KLHL32: variants seen among roughly 807,000 people sequenced by gnomAD.
The protein encoded by KLHL32 is kelch like family member 32.
Under a neutral mutation model 64.8 loss-of-function variants are expected in KLHL32, and 35 were observed. The observed-to-expected ratio is 0.54, with a 90% CI of 0.41 to 0.72. The LOEUF (loss-of-function observed/expected upper bound fraction) is 0.72, where lower values mean the gene tolerates loss of function less well. Among genes scored for constraint, KLHL32 ranks in the 30% least tolerant of loss-of-function variants. The pLI is 0.00. For missense variants in KLHL32, 589 were observed against 768.5 expected (o/e 0.77, Z 2.76); for synonymous variants, 259 against 281.0 (o/e 0.92, Z 0.78).
intron 3 of KLHL32, among the ~76,000 whole-genome samples, chr6:97,016,969 G>GT (rs1781295759): frequency 6.6e-6 from 1 of 152,120 alleles, no homozygotes; most frequent in South Asian, 2.1e-4. Flanking sequence ...CACCATTATT[G>GT]TAAGTTTCCT....
chr6:96,979,768 G>A (rs527334388), intron 3 of KLHL32, among the ~76,000 whole-genome samples: 4 of 152,220 alleles, frequency 2.6e-5, no homozygotes, highest in South Asian at 2.1e-4. Flanking sequence ...CCATTTTCAC[G>A]ACATTGATTC....
At chr6:97,035,801 C>T (rs1405276483) in intron 3 of KLHL32, among the ~76,000 whole-genome samples, 1 of 152,034 alleles carries the variant, frequency 6.6e-6, no homozygotes, top group African/African-American at 2.4e-5. Context: ...ATAATGTATC[C>T]TGGTGCAGAT....
chr6:96,999,625 G>A (rs1778799460), intron 3 of KLHL32: 1 of 505,288 alleles, frequency 2.0e-6, no homozygotes, highest in African/African-American at 2.1e-5. Context: ...TCTCTGTGAA[G>A]CTATAATTTG....
chr6:97,115,508 CA>C (rs1469574562), intron 7 of KLHL32, among the ~76,000 whole-genome samples: 2 of 152,132 alleles, frequency 1.3e-5, no homozygotes, highest in African/African-American at 4.8e-5. Context: ...CCCATGTACC[CA>C]CAACCCAAAA....
intron 3 of KLHL32, among the ~76,000 whole-genome samples, chr6:97,013,375 T>G (rs1237146188): frequency 6.6e-6 from 1 of 152,236 alleles, no homozygotes; most frequent in Non-Finnish European, 1.5e-5. Context: ...TTCGTTGTTG[T>G]AAAATGGAGA....
chr6:97,054,824 G>A (rs552367981), intron 4 of KLHL32, among the ~76,000 whole-genome samples: 10 of 152,188 alleles, frequency 6.6e-5, no homozygotes, highest in South Asian at 2.1e-4. Context: ...CTGTACTCCC[G>A]GCTATTCGGG....
At chr6:97,036,890 A>G (rs1193045189) in intron 3 of KLHL32, among the ~76,000 whole-genome samples, 1 of 152,214 alleles carries the variant, frequency 6.6e-6, no homozygotes, top group Admixed American at 6.5e-5. Flanking sequence ...TTAGCAGCAA[A>G]GACTGTAGGA....
At chr6:96,949,903 A>G (rs1024689161) in intron 1 of KLHL32, among the ~76,000 whole-genome samples, 18 of 152,026 alleles carry the variant, frequency 1.2e-4, no homozygotes, top group African/African-American at 4.3e-4. Context: ...TTAAATCAAT[A>G]TTGTTTTTTC....
At position 96,956,628 on chromosome 6, in the gene KLHL32, C is replaced by A. The variant is rs937444397; in HGVS notation, c.-65-10368C>A. ...CCTTTGGTAGGATAAAGTGGTGCAG[C>A]AGAATGTAAGAGCTGGGTTTGAGTC... is the stretch of plus-strand genomic sequence containing the variant. On this transcript the variant is annotated intron_variant, in intron 1 of 10. Transcript: ENST00000369261. 2.0e-5 allele frequency among the ~76,000 whole-genome samples: 3 copies of A among 152,186 alleles called. No individual in the cohort carries two copies. In the South Asian group the frequency reaches 6.2e-4, roughly 32 times the overall value.
intron 1 of KLHL32, among the ~76,000 whole-genome samples, chr6:96,960,379 C>A (rs911984364): frequency 6.6e-6 from 1 of 152,184 alleles, no homozygotes; most frequent in Admixed American, 6.5e-5. Flanking sequence ...AACCCCTTTA[C>A]CTTTGATTAT....
chr6:97,139,303 A>G lies in KLHL32; in HGVS notation c.*21A>G. The G allele has an allele frequency of 6.2e-7, 1 of 1,604,692 alleles. No homozygotes were observed. The highest frequency in any genetic ancestry group is 8.5e-7 in the Non-Finnish European group (1 of 1,173,354). Reference sequence around the variant, plus strand: ...TCTGAAAAGCCAAGCCATCATGAACAGGAGGAAAACATAGCTCTGACTGTT... The same window carrying G: ...TCTGAAAAGCCAAGCCATCATGAACGGGAGGAAAACATAGCTCTGACTGTT... On this transcript the variant is annotated 3_prime_UTR_variant, in exon 11 of 11. Coordinates refer to ENST00000369261, the MANE Select transcript of KLHL32 (RefSeq NM_052904.4).
At chr6:97,023,694 C>T (rs969179761) in intron 3 of KLHL32, among the ~76,000 whole-genome samples, 16 of 152,198 alleles carry the variant, frequency 1.1e-4, no homozygotes, top group African/African-American at 3.9e-4. Flanking sequence ...GCAGGCTTTT[C>T]ACTGTTTTCT....
chr6:97,022,780 A>G (rs578132159), intron 3 of KLHL32, among the ~76,000 whole-genome samples: 163 of 152,284 alleles, frequency 1.1e-3, no homozygotes, highest in Non-Finnish European at 2.2e-4. Context: ...CTGATCACCT[A>G]ATTTTTAAAG....
intron 3 of KLHL32, among the ~76,000 whole-genome samples, chr6:96,990,772 G>T (rs1223642585): frequency 6.6e-6 from 1 of 152,060 alleles, no homozygotes; most frequent in African/African-American, 2.4e-5. Context: ...GGCGGGGCTT[G>T]CTTGGTGATG....
At chr6:96,966,931 A>G (rs1265088574) in intron 1 of KLHL32, 65 bp from the exon 2 acceptor site, 3 of 722,196 alleles carry the variant, frequency 4.2e-6, no homozygotes, top group Non-Finnish European at 7.2e-6. Flanking sequence ...TAGCATCAGG[A>G]AGACCCAGAG....
chr6:97,091,220 A>C (rs1794175200), intron 6 of KLHL32, among the ~76,000 whole-genome samples: 1 of 152,216 alleles, frequency 6.6e-6, no homozygotes, highest in South Asian at 2.1e-4. Flanking sequence ...AAGAAAAAAA[A>C]CAAAACAAAA....
rs373675949 is a variant in KLHL32, at chr6:97,139,148, G to A, written c.1729G>A (p.Glu577Lys). 5 of 1,613,798 alleles carry A rather than the reference G, an allele frequency of 3.1e-6. No homozygotes were observed. In the Admixed American group the frequency reaches 8.3e-5, roughly 27 times the overall value. ...ACTGGATGTAAGCAGAGAAGGCAAA[G>A]AAGAAGTATTCTATGGGCCTACACT... ...QVLDVSREGKEEVFYGPTLPF... is the reference protein window; with the variant it reads ...QVLDVSREGKKEVFYGPTLPF... Residue 577 changes from glutamate to lysine, a missense_variant, in exon 11 of 11, where the codon GAA becomes AAA. Glu to Lys is a moderately conservative substitution (Grantham distance 56). This residue lies in a region of KLHL32 where 172 missense variants were observed against 192.0 expected (regional missense o/e 0.90). Coordinates refer to ENST00000369261, the MANE Select transcript of KLHL32 (RefSeq NM_052904.4).
intron 6 of KLHL32, among the ~76,000 whole-genome samples, chr6:97,089,080 C>G (rs1003005388): frequency 6.6e-6 from 1 of 152,196 alleles, no homozygotes. Context: ...ACTAAATACC[C>G]AAAATTATGC....
intron 6 of KLHL32, among the ~76,000 whole-genome samples, chr6:97,111,440 G>C (rs925365217): frequency 6.6e-6 from 1 of 152,220 alleles, no homozygotes; most frequent in Admixed American, 6.5e-5. Context: ...TTCAGTGCCA[G>C]CAGAGGTAAA....
Sources: gnomAD v4.1 joint callset for allele counts (sites outside exome capture counted in the v4.1 genomes callset) on GRCh38, gnomAD v4.1.1 for gene constraint, gnomAD v4.1.1 regional missense constraint, MANE v1.5 for transcripts, NCBI Gene and HGNC (gene_info 2026-07-23, HGNC 2026-07-21) for gene names.